Variants in PDE4D observed in about 807,000 individuals in gnomAD.
PDE4D encodes the protein 3',5'-cyclic-AMP phosphodiesterase 4D.
In PDE4D, 24 loss-of-function variants were observed where a neutral mutation model predicts 87.4. The observed-to-expected ratio is 0.27, with a 90% CI of 0.20 to 0.39. The LOEUF is 0.39. PDE4D is among the 10% of genes least tolerant of loss of function. The pLI is 1.00. For synonymous variants in PDE4D, 384 were observed against 383.2 expected, an observed-to-expected ratio of 1.00 and a Z score of -0.02; for missense variants, 714 against 1,041.0, an observed-to-expected ratio of 0.69 and a Z score of 4.32.
chr5:60,312,109 AC>A (rs1286131854), intron 1 of PDE4D, among the ~76,000 whole-genome samples: 1 of 152,164 alleles, frequency 6.6e-6, no homozygotes, highest in Non-Finnish European at 1.5e-5. Flanking sequence ...AGACTTCAAC[AC>A]CCTATTCACA....
At chr5:60,236,746 C>G (rs758383997) in intron 1 of PDE4D, among the ~76,000 whole-genome samples, 99 of 151,840 alleles carry the variant, frequency 6.5e-4, no homozygotes, top group Admixed American at 4.6e-4. Flanking sequence ...AGGACTGAAC[C>G]CACAAATGCT....
chr5:60,446,212 A>G (rs908746294), intron 1 of PDE4D, among the ~76,000 whole-genome samples: 6 of 152,092 alleles, frequency 3.9e-5, no homozygotes, highest in Non-Finnish European at 8.8e-5. Flanking sequence ...AGGGGAAAAA[A>G]ACTTTCTGGA....
intron 1 of PDE4D, among the ~76,000 whole-genome samples, chr5:59,654,610 C>T (rs1351558966): frequency 6.6e-6 from 1 of 152,178 alleles, no homozygotes; most frequent in Non-Finnish European, 1.5e-5. Flanking sequence ...AAATACCACA[C>T]AATCTGCCTG....
At chr5:60,208,057 C>G (rs2149564224) in intron 1 of PDE4D, among the ~76,000 whole-genome samples, 1 of 152,208 alleles carries the variant, frequency 6.6e-6, no homozygotes, top group Non-Finnish European at 1.5e-5. Context: ...TCCATGCATG[C>G]AAAATACAGC....
At chr5:59,529,244 T>G (rs896779289) in intron 1 of PDE4D, 3 of 475,376 alleles carry the variant, frequency 6.3e-6, no homozygotes, top group African/African-American at 6.0e-5. Context: ...ACATTTAACA[T>G]CTCATATTAA....
At chr5:60,256,684 C>T (rs1038004116) in intron 1 of PDE4D, among the ~76,000 whole-genome samples, 1 of 151,764 alleles carries the variant, frequency 6.6e-6, no homozygotes, top group Non-Finnish European at 1.5e-5. Context: ...ATTTGTAAGG[C>T]AACATATTTT....
At chr5:59,204,895 G>A (rs1157193876) in intron 2 of PDE4D, among the ~76,000 whole-genome samples, 1 of 152,180 alleles carries the variant, frequency 6.6e-6, no homozygotes, top group Non-Finnish European at 1.5e-5. Flanking sequence ...TAGATTAAAA[G>A]GAAGCCCTTG....
At chr5:59,182,433 T>A (rs953476243) in intron 4 of PDE4D, among the ~76,000 whole-genome samples, 5 of 144,144 alleles carry the variant, frequency 3.5e-5, no homozygotes, top group African/African-American at 1.3e-4. Flanking sequence ...GGCTAATTAA[T>A]TTTTTTTTTT....
intron 1 of PDE4D, among the ~76,000 whole-genome samples, chr5:60,243,134 A>AT (rs1747322583): frequency 6.6e-6 from 1 of 151,924 alleles, no homozygotes; most frequent in South Asian, 2.1e-4. Flanking sequence ...ATGAAAAGGG[A>AT]GACATTACAA....
intron 5 of PDE4D, among the ~76,000 whole-genome samples, chr5:59,085,568 G>A (rs1767519136): frequency 6.6e-6 from 1 of 152,166 alleles, no homozygotes; most frequent in Non-Finnish European, 1.5e-5. Flanking sequence ...TCTTGAGAGA[G>A]TCAAAAGTGG....
intron 1 of PDE4D, among the ~76,000 whole-genome samples, chr5:60,342,198 GATTGGTTTTCTCA>G (rs1185996118): frequency 1.1e-4 from 16 of 152,128 alleles, no homozygotes; most frequent in Non-Finnish European, 5.9e-5. Context: ...TTTTTCTAGA[GATTGGTTTTCTCA>G]GCTGTAAAAG....
intron 3 of PDE4D, among the ~76,000 whole-genome samples, chr5:59,926,466 A>C (rs1248738609): frequency 4.6e-5 from 7 of 152,176 alleles, no homozygotes; most frequent in Non-Finnish European, 8.8e-5. Context: ...AGCAAGATCA[A>C]ACCAAACCAA....
chr5:59,876,650 A>C (rs910768177), intron 1 of PDE4D, among the ~76,000 whole-genome samples: 2 of 152,024 alleles, frequency 1.3e-5, no homozygotes, highest in African/African-American at 4.8e-5. Context: ...TTCCCCTTCT[A>C]TGCTACTACA....
intron 1 of PDE4D, among the ~76,000 whole-genome samples, chr5:59,857,764 T>G (rs1041601642): frequency 6.0e-5 from 9 of 149,488 alleles, no homozygotes; most frequent in African/African-American, 2.2e-4. Flanking sequence ...GCTAAAAAAA[T>G]CTATAACATC....
intron 5 of PDE4D, among the ~76,000 whole-genome samples, chr5:59,152,521 G>A (rs1779610447): frequency 6.6e-6 from 1 of 152,170 alleles, no homozygotes; most frequent in Admixed American, 6.6e-5. Context: ...TTGCAAAACA[G>A]ATGTTCACAT....
At chr5:60,267,095 G>A (rs980575742) in intron 1 of PDE4D, among the ~76,000 whole-genome samples, 1 of 152,116 alleles carries the variant, frequency 6.6e-6, no homozygotes. Context: ...AAAAGTTATC[G>A]CCAATACATA....
intron 1 of PDE4D, among the ~76,000 whole-genome samples, chr5:59,753,620 G>A (rs2150738659): frequency 6.6e-6 from 1 of 152,200 alleles, no homozygotes; most frequent in Admixed American, 6.5e-5. Context: ...TACTGAATAA[G>A]GTCAAAGGAA....
At chr5:59,167,164 C>T (rs138512214) in intron 5 of PDE4D, among the ~76,000 whole-genome samples, 112 of 152,238 alleles carry the variant, frequency 7.4e-4, no homozygotes, top group Admixed American at 3.1e-3. Context: ...AACACATCGG[C>T]GTGACTTTTC....
chr5:59,044,114 C>T, intron 5 of PDE4D, among the ~76,000 whole-genome samples: 1 of 152,118 alleles, frequency 6.6e-6, no homozygotes, highest in Non-Finnish European at 1.5e-5. Context: ...AGTTCTAGAC[C>T]CTTGAGGAAT....
Sources: gnomAD v4.1 joint callset for allele counts (sites outside exome capture counted in the v4.1 genomes callset) on GRCh38, gnomAD v4.1.1 for gene constraint, MANE v1.5 for transcripts, NCBI Gene and HGNC (gene_info 2026-07-23, HGNC 2026-07-21) for gene names.